Variants in CACNA2D1 observed in about 807,000 individuals in gnomAD.
The protein encoded by CACNA2D1 is voltage-dependent calcium channel subunit alpha-2/delta-1.
A neutral mutation model predicts 171.5 loss-of-function variants in CACNA2D1; 53 were observed. The observed-to-expected ratio is 0.31, with a 90% confidence interval of 0.25 to 0.39. The LOEUF is 0.39. Among genes scored for constraint, CACNA2D1 ranks in the 10% least tolerant of loss-of-function variants. The probability of loss-of-function intolerance (pLI) is 1.00; values close to 1 mark genes in which losing one functional copy is unlikely to be tolerated. For missense variants in CACNA2D1, 903 were observed against 1,299.8 expected, an observed-to-expected ratio of 0.69 and a Z score of 4.69; for synonymous variants, 442 against 443.1, an observed-to-expected ratio of 1.00 and a Z score of 0.03.
Position 82,066,435 on chromosome 7 carries a change from GGCTA to G in CACNA2D1, c.728+16_728+19del. 3 of 1,608,848 alleles carry G rather than the reference GGCTA, an allele frequency of 1.9e-6. No individual in the cohort carries two copies. The highest frequency in any genetic ancestry group is 1.7e-5 in the Admixed American group (1 of 59,538). ...CTTCTTGCCTATTTTATCTTTTCAT[GGCTA>G]GCTAAAAATTCTTACCATGGTCTTC... On this transcript the variant is annotated intron_variant, in intron 8 of 38. Coordinates refer to ENST00000356860, the MANE Select transcript of CACNA2D1 (RefSeq NM_000722.4).
intron 5 of CACNA2D1, among the ~76,000 whole-genome samples, chr7:82,128,757 A>G (rs1226071431): frequency 6.6e-6 from 1 of 152,124 alleles, no homozygotes; most frequent in Non-Finnish European, 1.5e-5. Flanking sequence ...CCTTCTTTGT[A>G]TGATTTACTT....
intron 3 of CACNA2D1, among the ~76,000 whole-genome samples, chr7:82,278,557 TAAAAAAAAAAA>T (rs59630150): frequency 4.6e-5 from 5 of 107,772 alleles, no homozygotes; most frequent in Non-Finnish European, 9.3e-5. Context: ...GACTCTGTCT[TAAAAAAAAAAA>T]AAAAAAAAAA....
chr7:81,964,814 C>CA (rs377383352), intron 32 of CACNA2D1, among the ~76,000 whole-genome samples: 102 of 151,752 alleles, frequency 6.7e-4, no homozygotes, highest in African/African-American at 2.4e-3. Flanking sequence ...TACCATACCG[C>CA]AAAAAAGGTT....
intron 3 of CACNA2D1, among the ~76,000 whole-genome samples, chr7:82,316,233 CT>C (rs1283518380): frequency 6.6e-6 from 1 of 152,116 alleles, no homozygotes; most frequent in Non-Finnish European, 1.5e-5. Flanking sequence ...GTATTCAACA[CT>C]GTTCTAATAA....
At chr7:82,015,128 C>T (rs899656464) in intron 12 of CACNA2D1, among the ~76,000 whole-genome samples, 2 of 152,132 alleles carry the variant, frequency 1.3e-5, no homozygotes, top group Admixed American at 6.5e-5. Flanking sequence ...ACCTGTCTCA[C>T]CTGGTTATAT....
At chr7:82,076,731 C>T (rs1809014009) in intron 7 of CACNA2D1, among the ~76,000 whole-genome samples, 1 of 152,118 alleles carries the variant, frequency 6.6e-6, no homozygotes, top group South Asian at 2.1e-4. Context: ...ACTTTGCCTA[C>T]ACATTAAATC....
At position 82,372,286 on chromosome 7, in the gene CACNA2D1, T is replaced by A. The variant is rs181197587; in HGVS notation, c.96-22637A>T. 5.2e-3 allele frequency among the ~76,000 whole-genome samples: 789 copies of A among 152,260 alleles called. 6 individuals are homozygous for A. The highest frequency in any genetic ancestry group is 0.024 in the Middle Eastern group (7 of 294). Reference sequence around the variant, plus strand: ...ACTACAAGCTTAATTAACTTACATATAAATTCTGTTCCAAGGCAACATCCC... The same window carrying A: ...ACTACAAGCTTAATTAACTTACATAAAAATTCTGTTCCAAGGCAACATCCC... On this transcript the variant is annotated intron_variant, in intron 1 of 38. Transcript: ENST00000356860.
At chr7:82,316,079 T>C (rs1563355878) in intron 3 of CACNA2D1, among the ~76,000 whole-genome samples, 2 of 152,110 alleles carry the variant, frequency 1.3e-5, no homozygotes, top group African/African-American at 4.8e-5. Context: ...TGACAAATGA[T>C]AAGTTTGCTT....
intron 18 of CACNA2D1, among the ~76,000 whole-genome samples, chr7:82,003,612 G>T (rs1344485355): frequency 2.7e-5 from 4 of 149,186 alleles, no homozygotes; most frequent in African/African-American, 4.9e-5. Flanking sequence ...TAGATATATA[G>T]ATATATATAT....
intron 20 of CACNA2D1, among the ~76,000 whole-genome samples, chr7:81,993,658 A>G (rs929914689): frequency 6.6e-6 from 1 of 152,160 alleles, no homozygotes; most frequent in African/African-American, 2.4e-5. Flanking sequence ...TAGAATAAAT[A>G]ACTTTTCTTG....
intron 3 of CACNA2D1, among the ~76,000 whole-genome samples, chr7:82,223,801 T>A (rs1320310838): frequency 6.6e-6 from 1 of 152,188 alleles, no homozygotes; most frequent in Non-Finnish European, 1.5e-5. Flanking sequence ...ATAATGATGC[T>A]TCTGAAAATG....
intron 25 of CACNA2D1, among the ~76,000 whole-genome samples, chr7:81,974,249 T>G (rs1795597130): frequency 6.6e-6 from 1 of 152,112 alleles, no homozygotes; most frequent in Admixed American, 6.6e-5. Context: ...TACCTTGTTT[T>G]GAAAATTTGA....
At chr7:81,968,807 T>C in intron 29 of CACNA2D1, 80 bp downstream of exon 29, 1 of 829,156 alleles carries the variant, frequency 1.2e-6, no homozygotes, top group Non-Finnish European at 2.1e-6. Flanking sequence ...ACCTTCTTGA[T>C]AAACATTGCC....
At chr7:82,099,958 T>C (rs890615943) in intron 6 of CACNA2D1, among the ~76,000 whole-genome samples, 14 of 151,996 alleles carry the variant, frequency 9.2e-5, no homozygotes, top group Non-Finnish European at 1.8e-4. Flanking sequence ...GGGAGAGCAT[T>C]AGGAATAATA....
intron 1 of CACNA2D1, among the ~76,000 whole-genome samples, chr7:82,404,775 C>G (rs1221561297): frequency 1.3e-5 from 2 of 151,996 alleles, no homozygotes; most frequent in African/African-American, 2.4e-5. Context: ...ACTCTGTAGT[C>G]AACAAAAAAG....
rs577289248 is a variant in CACNA2D1 at position 82,367,669 on chromosome 7, G to T, written c.96-18020C>A. 2.6e-5 allele frequency among the ~76,000 whole-genome samples: 4 copies of T among 152,092 alleles called. No homozygotes were observed. The South Asian group carries it at 8.3e-4, about 32-fold the overall frequency. ...TGCACTGAGATAAAATAGTTGCCTA[G>T]ATAAATATTAAATGAATAAAAAAAA... On this transcript the variant is annotated intron_variant, in intron 1 of 38. Transcript: ENST00000356860.
chr7:81,950,225 C>T lies in CACNA2D1; in HGVS notation c.*167G>A. The T allele has an allele frequency of 3.4e-6, 4 of 1,187,978 alleles. No homozygotes were observed. The highest frequency in any genetic ancestry group is 2.7e-4 in the Middle Eastern group (1 of 3,642). The allele number at this position is 1,187,978 out of a possible 1,614,324, so 73.6% of individuals were successfully genotyped here. On this transcript the variant is annotated 3_prime_UTR_variant, in exon 39 of 39. Coordinates refer to ENST00000356860, the MANE Select transcript of CACNA2D1 (RefSeq NM_000722.4). ...TTTAAGGATCTGACACCCTGACATG[C>T]AGCCAGTGGGTGCCTTAGGAGTCTG...
At chr7:82,404,473 GAGTTT>G (rs749977512) in intron 1 of CACNA2D1, among the ~76,000 whole-genome samples, 1 of 152,186 alleles carries the variant, frequency 6.6e-6, no homozygotes, top group Non-Finnish European at 1.5e-5. Context: ...ATCCTTAAAT[GAGTTT>G]AGGTGAATTG....
At chr7:82,023,485 A>C (rs1486918088) in intron 12 of CACNA2D1, among the ~76,000 whole-genome samples, 1 of 151,806 alleles carries the variant, frequency 6.6e-6, no homozygotes, top group Non-Finnish European at 1.5e-5. Flanking sequence ...TTGCTCTGAA[A>C]GATTTCTGAT....
Sources: gnomAD v4.1 joint callset for allele counts (sites outside exome capture counted in the v4.1 genomes callset) on GRCh38, gnomAD v4.1.1 for gene constraint, MANE v1.5 for transcripts, NCBI Gene and HGNC (gene_info 2026-07-23, HGNC 2026-07-21) for gene names.